FYTTD1: variants seen among roughly 807,000 people sequenced by gnomAD.
FYTTD1 encodes the protein UAP56-interacting factor.
Under a neutral mutation model 40.9 loss-of-function variants are expected in FYTTD1, and 22 were observed. The ratio of observed to expected loss-of-function variants is 0.54; its 90% CI spans 0.38 to 0.77. The LOEUF (loss-of-function observed/expected upper bound fraction) is 0.77, where lower values mean the gene tolerates loss of function less well. Ranked by LOEUF, FYTTD1 falls within the 30% of genes least tolerant of loss-of-function variation. The probability of loss-of-function intolerance (pLI) is 0.00; values close to 1 mark genes in which losing one functional copy is unlikely to be tolerated. For synonymous variants in FYTTD1, 140 were observed against 137.9 expected (o/e 1.01, Z -0.10); for missense variants, 351 against 392.2 (o/e 0.90, Z 0.89).
chr3:197,756,647 C>A, intron 2 of FYTTD1, 90 bp downstream of exon 2: 1 of 1,149,930 alleles, frequency 8.7e-7, no homozygotes, highest in South Asian at 1.3e-5. Context: ...TGGAGGAATG[C>A]GTCAGTACTC....
chr3:197,761,976 A>T (rs894814602), intron 2 of FYTTD1, among the ~76,000 whole-genome samples: 15 of 152,180 alleles, frequency 9.9e-5, no homozygotes, highest in African/African-American at 3.6e-4. Flanking sequence ...GTTCTCTTCC[A>T]GGTTGCAGAC....
intron 3 of FYTTD1, 30 bp from the exon 4 acceptor site, chr3:197,770,102 T>C: frequency 7.5e-7 from 1 of 1,337,164 alleles, no homozygotes; most frequent in Admixed American, 1.9e-5. Context: ...AAATGCAATT[T>C]GATTAACATA....
At chr3:197,776,827 A>G (rs565509086) in intron 6 of FYTTD1, 100 bp from the exon 7 acceptor site, 2 of 764,504 alleles carry the variant, frequency 2.6e-6, no homozygotes, top group South Asian at 1.8e-5. Context: ...ACAAGCTAAG[A>G]AAAAGTAATG....
intron 6 of FYTTD1, among the ~76,000 whole-genome samples, chr3:197,774,813 A>G (rs1312607560): frequency 1.3e-5 from 2 of 151,558 alleles, no homozygotes; most frequent in East Asian, 1.9e-4. Context: ...CTCGATCGCC[A>G]GTGCATACCA....
chr3:197,778,282 A>G, intron 7 of FYTTD1, 56 bp from the exon 8 acceptor site: 1 of 1,391,854 alleles, frequency 7.2e-7, no homozygotes, highest in Non-Finnish European at 9.9e-7. Context: ...TACCAAGTGA[A>G]TTTATTTTTC....
At chr3:197,767,195 A>G (rs1729576061) in intron 2 of FYTTD1, among the ~76,000 whole-genome samples, 1 of 152,114 alleles carries the variant, frequency 6.6e-6, no homozygotes, top group Non-Finnish European at 1.5e-5. Context: ...GCTGAAGTGC[A>G]GTGGCACGAT....
rs1301830726 is a variant in FYTTD1, at chr3:197,784,335, A to G, written c.*2426A>G. ...CTCTAAAGATTGAGTTGTGGTTTTT[A>G]GATTGTTCTATGTTACGAAGAACTT... On this transcript the variant is annotated 3_prime_UTR_variant, in exon 9 of 9. Transcript: ENST00000241502. The G allele has an allele frequency of 6.6e-6, 1 of 152,194 alleles. No homozygotes were observed. Among genetic ancestry groups the G allele is most frequent in the Non-Finnish European group, 1.5e-5 (1 of 68,030 alleles). The allele number at this position is 152,194 out of a possible 1,614,324, so 9.4% of individuals were successfully genotyped here. A position where few individuals can be genotyped will look rare whatever the true frequency, so the allele number is the denominator to read the frequency against.
chr3:197,770,011 T>TC, intron 3 of FYTTD1, 121 bp from the exon 4 acceptor site: 1 of 632,342 alleles, frequency 1.6e-6, no homozygotes, highest in Non-Finnish European at 2.8e-6. Context: ...TTTCTCCGTC[T>TC]CCCTTATCTG....
intron 8 of FYTTD1, among the ~76,000 whole-genome samples, chr3:197,779,928 C>A (rs34839235): frequency 2.1e-5 from 2 of 94,388 alleles, no homozygotes; most frequent in African/African-American, 4.2e-5. Context: ...GGGATGCAGG[C>A]ACACACACCA....
intron 2 of FYTTD1, among the ~76,000 whole-genome samples, chr3:197,761,224 A>AGAG (rs1729377861): frequency 6.6e-6 from 1 of 151,556 alleles, no homozygotes; most frequent in African/African-American, 2.4e-5. Context: ...TAGAATGTAT[A>AGAG]TACTTGTTCT....
At chr3:197,770,639 C>T (rs1187855857) in intron 4 of FYTTD1, among the ~76,000 whole-genome samples, 1 of 152,166 alleles carries the variant, frequency 6.6e-6, no homozygotes, top group Non-Finnish European at 1.5e-5. Context: ...TTGGCCTGCC[C>T]TGGGCTCAAG....
chr3:197,753,742 G>A (rs1463657278), intron 1 of FYTTD1, among the ~76,000 whole-genome samples: 1 of 151,926 alleles, frequency 6.6e-6, no homozygotes, highest in East Asian at 1.9e-4. Flanking sequence ...GACTTTATAT[G>A]CTGTATTTTA....
rs530137433 is a variant in FYTTD1, at chr3:197,750,044, G to A, written c.73G>A (p.Glu25Lys). The part of the protein sequence containing the change: ...SSPPPKARSN[E>K]NLDKIDMSLD... ...GCCGCCGCCGAAGGCCCGCAGCAAT[G>A]AAAACCTCGACAAAATAGATATGTC... is the stretch of plus-strand genomic sequence containing the variant. The change falls in exon 1 of 9, where the codon GAA (glutamate) becomes AAA (lysine). Residue 25 changes from glutamate to lysine, a missense_variant. Coordinates refer to ENST00000241502, the MANE Select transcript of FYTTD1 (RefSeq NM_032288.7). 6.3e-7 allele frequency: 1 copy of A among 1,581,598 alleles called. No individual in the cohort carries two copies. The highest frequency in any genetic ancestry group is 1.4e-5 in the African/African-American group (1 of 71,892).
chr3:197,764,272 G>A (rs933983667), intron 2 of FYTTD1, among the ~76,000 whole-genome samples: 1 of 152,244 alleles, frequency 6.6e-6, no homozygotes, highest in African/African-American at 2.4e-5. Context: ...AGATAATTGG[G>A]GCAGTATGTA....
intron 4 of FYTTD1, 98 bp from the exon 5 acceptor site, chr3:197,773,304 TG>T (rs1729770123): frequency 1.5e-6 from 1 of 673,872 alleles, no homozygotes; most frequent in Non-Finnish European, 2.6e-6. Context: ...TTGCACCTCA[TG>T]TTTGCAGCCT....
rs1730098459 is a variant in FYTTD1 at position 197,784,018 on chromosome 3, A to G, written c.*2109A>G. Reference sequence around the variant, plus strand: ...GTCACATATTGTATATAAACAAAACAATATGCTTTGTTGAAGGAAAATTTT... The same window carrying G: ...GTCACATATTGTATATAAACAAAACGATATGCTTTGTTGAAGGAAAATTTT... On this transcript the variant is annotated 3_prime_UTR_variant, in exon 9 of 9. Coordinates refer to ENST00000241502, the MANE Select transcript of FYTTD1 (RefSeq NM_032288.7). 1 of 152,602 alleles carries G rather than the reference A, an allele frequency of 6.6e-6. No individual in the cohort carries two copies. 9.5% of individuals were successfully genotyped at this position (152,602 alleles called of 1,614,324 possible). A position where few individuals can be genotyped will look rare whatever the true frequency, so the allele number is the denominator to read the frequency against.
At chr3:197,770,510 T>C (rs745781395) in intron 4 of FYTTD1, among the ~76,000 whole-genome samples, 1 of 152,200 alleles carries the variant, frequency 6.6e-6, no homozygotes, top group Non-Finnish European at 1.5e-5. Context: ...GGAATAAAAT[T>C]GCAAAAGCTG....
intron 2 of FYTTD1, among the ~76,000 whole-genome samples, chr3:197,765,344 A>G (rs1243924759): frequency 1.3e-5 from 2 of 152,138 alleles, no homozygotes; most frequent in Non-Finnish European, 2.9e-5. Flanking sequence ...TTCTCAAGGA[A>G]GATTGTTAGC....
At chr3:197,764,882 G>A (rs918248410) in intron 2 of FYTTD1, among the ~76,000 whole-genome samples, 1 of 150,228 alleles carries the variant, frequency 6.7e-6, no homozygotes, top group East Asian at 2.0e-4. Flanking sequence ...ATGGAGTCTT[G>A]CCCTGTCACC....
Sources: gnomAD v4.1 joint callset for allele counts (sites outside exome capture counted in the v4.1 genomes callset) on GRCh38, gnomAD v4.1.1 for gene constraint, MANE v1.5 for transcripts, NCBI Gene and HGNC (gene_info 2026-07-23, HGNC 2026-07-21) for gene names.